RALGPS1: variants seen among roughly 807,000 people sequenced by gnomAD.
RALGPS1 encodes ras-specific guanine nucleotide-releasing factor RalGPS1.
In RALGPS1, 19 loss-of-function variants were observed where a neutral mutation model predicts 78.8. That is an observed-to-expected ratio of 0.24 (90% CI 0.17 to 0.35). The LOEUF is 0.35. RALGPS1 is among the 10% of genes least tolerant of loss of function. RALGPS1 has a pLI of 1.00. For synonymous variants in RALGPS1, 228 were observed against 256.3 expected (o/e 0.89, Z 1.06); for missense variants, 454 against 688.3 (o/e 0.66, Z 3.81).
chr9:127,088,007 C>T (rs1298997430), intron 8 of RALGPS1: 1 of 152,586 alleles, frequency 6.6e-6, no homozygotes, highest in African/African-American at 2.4e-5. Flanking sequence ...AACCAGAAAC[C>T]TGGAGCCCGG....
At chr9:127,158,711 T>C (rs2058841808) in intron 8 of RALGPS1, among the ~76,000 whole-genome samples, 1 of 152,126 alleles carries the variant, frequency 6.6e-6, no homozygotes, top group South Asian at 2.1e-4. Flanking sequence ...GAATACTTAG[T>C]TCACTTTTTA....
intron 7 of RALGPS1, among the ~76,000 whole-genome samples, chr9:127,054,992 T>G (rs2048594542): frequency 1.3e-5 from 1 of 79,232 alleles, no homozygotes; most frequent in African/African-American, 5.3e-5. Context: ...AGAGAGAGAT[T>G]GATTGAGAGA....
chr9:127,053,088 C>T, intron 7 of RALGPS1, 149 bp downstream of exon 7: 2 of 632,662 alleles, frequency 3.2e-6, no homozygotes, highest in Non-Finnish European at 5.6e-6. Context: ...TAGGCATCCT[C>T]ACTCCGTCAG....
intron 4 of RALGPS1, among the ~76,000 whole-genome samples, chr9:126,991,213 C>T (rs1028625209): frequency 6.6e-5 from 10 of 152,150 alleles, no homozygotes; most frequent in Admixed American, 6.5e-4. Flanking sequence ...AGGAATTCCC[C>T]AACTCCATTT....
intron 9 of RALGPS1, among the ~76,000 whole-genome samples, chr9:127,166,794 G>A (rs1025135437): frequency 2.0e-5 from 3 of 152,188 alleles, no homozygotes; most frequent in African/African-American, 7.2e-5. Flanking sequence ...TCTGCTGCAC[G>A]TGGCCAAATC....
rs533181220 is a variant in RALGPS1, at chr9:127,222,828, C to T, written c.*4059C>T. 1 of 152,718 alleles carries T rather than the reference C, an allele frequency of 6.5e-6. No individual in the cohort carries two copies. The highest frequency in any genetic ancestry group is 1.5e-5 in the Non-Finnish European group (1 of 68,036). The allele number at this position is 152,718 out of a possible 1,614,324, so 9.5% of individuals were successfully genotyped here. A position where few individuals can be genotyped will look rare whatever the true frequency, so the allele number is the denominator to read the frequency against. ...AGTTTTCAATTTCTTATGTACTCTT[C>T]GAAGTAAGTTGAAAATCAGTTTCTA... On this transcript the variant is annotated 3_prime_UTR_variant, in exon 19 of 19. Transcript: ENST00000259351.
intron 3 of RALGPS1, among the ~76,000 whole-genome samples, chr9:126,974,951 C>T (rs1321053561): frequency 2.1e-5 from 3 of 145,282 alleles, no homozygotes; most frequent in Non-Finnish European, 4.7e-5. Flanking sequence ...TACCCCAACC[C>T]CTACCCATAC....
At chr9:127,083,719 T>C (rs1225860487) in intron 8 of RALGPS1, among the ~76,000 whole-genome samples, 1 of 152,212 alleles carries the variant, frequency 6.6e-6, no homozygotes, top group Non-Finnish European at 1.5e-5. Context: ...CTGTGGACTT[T>C]TCTTTTCCCA....
At position 126,916,288 on chromosome 9, in the gene RALGPS1, T is replaced by A. The variant is rs140672265; in HGVS notation, c.-66+1313T>A. The stretch of plus-strand genomic sequence containing the variant: ...CCAAAAGACTCAGCCGTGTCTTGGA[T>A]CGTGACTGCTTCTCTCTGCGAGGCC... On this transcript the variant is annotated intron_variant, in intron 1 of 18. Transcript: ENST00000259351. Among the ~76,000 whole-genome samples the A allele has an allele frequency of 4.7e-3, 713 of 152,308 alleles. 8 individuals are homozygous for A. Among genetic ancestry groups the A allele is most frequent in the African/African-American group, 0.016 (670 of 41,566 alleles).
chr9:127,001,921 G>C (rs2043346007), intron 4 of RALGPS1, among the ~76,000 whole-genome samples: 1 of 152,054 alleles, frequency 6.6e-6, no homozygotes, highest in Non-Finnish European at 1.5e-5. Flanking sequence ...ATATGCAGTA[G>C]TCTCTATATT....
At chr9:126,928,001 CT>C (rs1472667706) in intron 1 of RALGPS1, among the ~76,000 whole-genome samples, 3 of 152,124 alleles carry the variant, frequency 2.0e-5, no homozygotes, top group Non-Finnish European at 4.4e-5. Flanking sequence ...TTGTTGGGGT[CT>C]GAGAGTTAGA....
intron 8 of RALGPS1, among the ~76,000 whole-genome samples, chr9:127,085,598 G>T (rs1375178569): frequency 6.6e-6 from 1 of 152,166 alleles, no homozygotes; most frequent in African/African-American, 2.4e-5. Context: ...GCCTGGGTGT[G>T]GTTTGATTAA....
chr9:127,055,151 C>A (rs569199080), intron 7 of RALGPS1, among the ~76,000 whole-genome samples: 19 of 152,312 alleles, frequency 1.2e-4, no homozygotes, highest in Non-Finnish European at 2.2e-4. Context: ...TTCTTCCTCA[C>A]ACATATGCCA....
intron 8 of RALGPS1, among the ~76,000 whole-genome samples, chr9:127,124,870 C>G (rs1413664398): frequency 1.3e-5 from 2 of 152,200 alleles, no homozygotes; most frequent in African/African-American, 2.4e-5. Context: ...TTCCCACCCT[C>G]TGGTAACAGG....
intron 8 of RALGPS1, among the ~76,000 whole-genome samples, chr9:127,129,073 C>G (rs938260344): frequency 6.6e-6 from 1 of 152,136 alleles, no homozygotes; most frequent in Non-Finnish European, 1.5e-5. Context: ...CATCTGAGCA[C>G]CAGAGTTGGG....
In RALGPS1 at chr9:126,958,910, A is replaced by G. The variant is rs1049950883; in HGVS notation, c.-65-3315A>G. 3.9e-5 allele frequency among the ~76,000 whole-genome samples: 6 copies of G among 152,134 alleles called. No individual in the cohort carries two copies. In the South Asian group the frequency reaches 1.0e-3, roughly 26 times the overall value. ...ACGCGTGAGGGTTCTGTCTCTGCAC[A>G]TTTTTGCCAATACTTGTTATGGCCT... On this transcript the variant is annotated intron_variant, in intron 1 of 18. Transcript: ENST00000259351.
chr9:127,191,842 C>T (rs532507054), intron 11 of RALGPS1, among the ~76,000 whole-genome samples: 1 of 152,012 alleles, frequency 6.6e-6, no homozygotes, highest in East Asian at 1.9e-4. Context: ...GGACTACAGG[C>T]ACCTGCCACC....
chr9:127,112,482 G>C (rs191443091), intron 8 of RALGPS1, among the ~76,000 whole-genome samples: 61 of 152,368 alleles, frequency 4.0e-4, no homozygotes, highest in African/African-American at 1.4e-3. Context: ...AGGCCCAGGA[G>C]GCAACCTGGC....
rs2062743493 is a variant in RALGPS1 at position 127,220,477 on chromosome 9, C to G, written c.*1708C>G. 2 of 152,180 alleles carry G rather than the reference C, an allele frequency of 1.3e-5. No homozygotes were observed. Among genetic ancestry groups the G allele is most frequent in the Non-Finnish European group, 2.9e-5 (2 of 68,042 alleles). The allele number at this position is 152,180 out of a possible 1,614,324, so 9.4% of individuals were successfully genotyped here. ...CTTAGTAGTTCATCTTCTTTTTGAG[C>G]AAAGACTAGAATACTTTCCTCCTAA... On this transcript the variant is annotated 3_prime_UTR_variant, in exon 19 of 19. Coordinates refer to ENST00000259351, the MANE Select transcript of RALGPS1 (RefSeq NM_014636.3).
Sources: gnomAD v4.1 joint callset for allele counts (sites outside exome capture counted in the v4.1 genomes callset) on GRCh38, gnomAD v4.1.1 for gene constraint, MANE v1.5 for transcripts, NCBI Gene and HGNC (gene_info 2026-07-23, HGNC 2026-07-21) for gene names.